The following CCDC141 variants were observed in gnomAD, a reference collection of about 807,000 sequenced individuals.
The protein encoded by CCDC141 is coiled-coil domain-containing protein 141.
In CCDC141, 168 loss-of-function variants were observed where a neutral mutation model predicts 181.0. The observed-to-expected ratio is 0.93, with a 90% CI of 0.82 to 1.05. CCDC141 has a LOEUF of 1.05. Among genes scored for constraint, CCDC141 ranks in the 50% least tolerant of loss-of-function variants. CCDC141 has a pLI of 0.00. For missense variants in CCDC141, 1,902 were observed against 1,788.5 expected (o/e 1.06, Z -1.14); for synonymous variants, 666 against 642.3 (o/e 1.04, Z -0.56).
chr2:178,979,697 A>G (rs1039235924), intron 2 of CCDC141, among the ~76,000 whole-genome samples: 1 of 152,242 alleles, frequency 6.6e-6, no homozygotes, highest in African/African-American at 2.4e-5. Context: ...ATTAGAATCA[A>G]AACAAAAATC....
intron 2 of CCDC141, among the ~76,000 whole-genome samples, chr2:179,021,324 C>T (rs913584075): frequency 2.0e-5 from 3 of 152,130 alleles, no homozygotes; most frequent in Admixed American, 6.5e-5. Flanking sequence ...AACCTAATTG[C>T]CCATGCCTAT....
chr2:178,855,567 A>C (rs1218447946), intron 18 of CCDC141, 26 bp from the exon 19 acceptor site: 6 of 1,488,130 alleles, frequency 4.0e-6, no homozygotes, highest in Non-Finnish European at 5.4e-6. Context: ...AAAGTTTTTT[A>C]AACAACATTC....
intron 11 of CCDC141, among the ~76,000 whole-genome samples, chr2:178,880,615 G>A (rs994535230): frequency 6.6e-6 from 1 of 152,170 alleles, no homozygotes; most frequent in Non-Finnish European, 1.5e-5. Flanking sequence ...AAGAATTGGG[G>A]ATTAAACTTC....
intron 2 of CCDC141, among the ~76,000 whole-genome samples, chr2:179,029,464 C>G (rs1162075318): frequency 1.3e-5 from 2 of 152,178 alleles, no homozygotes; most frequent in Non-Finnish European, 2.9e-5. Flanking sequence ...AATACAATGA[C>G]TGGCATATAG....
In CCDC141 at chr2:178,868,163, G is replaced by A. The variant is rs1220013695; in HGVS notation, c.2437C>T (p.Gln813Ter). Residue 813 changes from glutamine (Q) to a stop codon, truncating the protein, a stop_gained, in exon 16 of 24, where the codon CAG becomes TAG. Transcript: ENST00000443758. LOFTEE classifies it high-confidence loss of function. The stretch of plus-strand genomic sequence containing the variant: ...TGGGCATCACCCAGTTCCTTCGGCT[G>A]CTCTACAAACTCCAGCTCTCTTGAT... ...IKSRELEFVE[Q>*]PKELGDAHDV... The A allele has an allele frequency of 6.2e-7, 1 of 1,613,940 alleles. No homozygotes were observed. The highest frequency in any genetic ancestry group is 1.7e-5 in the Admixed American group (1 of 60,016).
rs562511734 is a variant in CCDC141, at chr2:178,845,626, C to G, written c.3474G>C (p.Lys1158Asn). Residue 1158 changes from lysine (K) to asparagine (N), a missense_variant and splice_region_variant, in exon 22 of 24, where the codon AAG becomes AAC. Physicochemically the swap from Lys to Asn is moderately conservative, Grantham distance 94. Coordinates refer to ENST00000443758, the MANE Select transcript of CCDC141 (RefSeq NM_173648.4). ...KQTIFNEERN[K>N]GQVQVADLLG... Reference sequence around the variant, plus strand: ...GCTGAGGTTAAGTAGTTTTCTTTACCTTATTCCTTTCTTCATTGAATATTG... The same window carrying G: ...GCTGAGGTTAAGTAGTTTTCTTTACGTTATTCCTTTCTTCATTGAATATTG... 1.9e-6 allele frequency: 3 copies of G among 1,549,924 alleles called. No homozygotes were observed. The highest frequency in any genetic ancestry group is 2.7e-6 in the Non-Finnish European group (3 of 1,122,082).
chr2:179,005,409 A>G (rs1359160978), intron 2 of CCDC141, among the ~76,000 whole-genome samples: 2 of 152,194 alleles, frequency 1.3e-5, no homozygotes, highest in Non-Finnish European at 2.9e-5. Flanking sequence ...TTACAGGAGG[A>G]AAAGACAGCA....
At chr2:178,983,428 C>G (rs141465257) in intron 2 of CCDC141, among the ~76,000 whole-genome samples, 2 of 152,070 alleles carry the variant, frequency 1.3e-5, no homozygotes, top group Non-Finnish European at 2.9e-5. Context: ...CCAAAGGAAC[C>G]CAGCTCCTTA....
At chr2:179,015,231 C>T (rs376112999) in intron 2 of CCDC141, among the ~76,000 whole-genome samples, 1 of 104,382 alleles carries the variant, frequency 9.6e-6, no homozygotes, top group African/African-American at 3.8e-5. Flanking sequence ...ATATATACCT[C>T]ATATATATAT....
intron 4 of CCDC141, among the ~76,000 whole-genome samples, chr2:178,971,832 AC>A (rs1690902478): frequency 6.6e-6 from 1 of 152,094 alleles, no homozygotes; most frequent in South Asian, 2.1e-4. Flanking sequence ...AGAACAGAAA[AC>A]CAAACACCAC....
chr2:178,884,868 C>T (rs1686804859), intron 11 of CCDC141, 33 bp downstream of exon 11: 3 of 1,525,772 alleles, frequency 2.0e-6, no homozygotes, highest in African/African-American at 2.8e-5. Flanking sequence ...CAGTGGCCAC[C>T]TTGCTGAAGA....
chr2:178,864,183 G>T (rs1223431166), intron 17 of CCDC141, among the ~76,000 whole-genome samples: 1 of 152,028 alleles, frequency 6.6e-6, no homozygotes, highest in Non-Finnish European at 1.5e-5. Flanking sequence ...CAAGACAAAG[G>T]TTTACAAATA....
At chr2:178,852,371 A>G (rs1043784567) in intron 20 of CCDC141, among the ~76,000 whole-genome samples, 3 of 152,246 alleles carry the variant, frequency 2.0e-5, no homozygotes, top group African/African-American at 7.2e-5. Flanking sequence ...TATTTATACT[A>G]CAACGTAAAA....
chr2:178,967,121 G>A (rs573835082), intron 4 of CCDC141, among the ~76,000 whole-genome samples: 2 of 152,174 alleles, frequency 1.3e-5, no homozygotes, highest in South Asian at 2.1e-4. Flanking sequence ...CCAAATCTAC[G>A]TTTGATTGGT....
At chr2:178,986,864 A>C (rs1164974719) in intron 2 of CCDC141, among the ~76,000 whole-genome samples, 2 of 151,532 alleles carry the variant, frequency 1.3e-5, no homozygotes, top group African/African-American at 4.8e-5. Flanking sequence ...GGTAGGAAGA[A>C]TCAATATCGT....
chr2:178,916,572 C>T (rs1454480010), intron 7 of CCDC141, among the ~76,000 whole-genome samples: 3 of 151,880 alleles, frequency 2.0e-5, no homozygotes. Context: ...TTCATTTCAA[C>T]AGTCATGATT....
intron 2 of CCDC141, among the ~76,000 whole-genome samples, chr2:179,005,061 A>AT (rs2042085746): frequency 6.6e-6 from 1 of 152,192 alleles, no homozygotes; most frequent in Non-Finnish European, 1.5e-5. Flanking sequence ...AGCCACAAAA[A>AT]TTTTTTTGGC....
intron 11 of CCDC141, among the ~76,000 whole-genome samples, chr2:178,883,534 T>G (rs528853171): frequency 1.3e-5 from 2 of 152,084 alleles, no homozygotes; most frequent in South Asian, 4.2e-4. Context: ...TATAAAGGAA[T>G]TGGATAGAGG....
At chr2:178,964,469 T>C (rs1203633940) in intron 4 of CCDC141, among the ~76,000 whole-genome samples, 1 of 152,172 alleles carries the variant, frequency 6.6e-6, no homozygotes, top group African/African-American at 2.4e-5. Context: ...AAAATTAAAA[T>C]TCAAATTTTT....
Sources: gnomAD v4.1 joint callset for allele counts (sites outside exome capture counted in the v4.1 genomes callset) on GRCh38, gnomAD v4.1.1 for gene constraint, MANE v1.5 for transcripts, NCBI Gene and HGNC (gene_info 2026-07-23, HGNC 2026-07-21) for gene names.